Variants in ERC1 observed in about 807,000 individuals in gnomAD.
The protein encoded by ERC1 is RAB6 interacting protein 2.
A neutral mutation model predicts 132.0 loss-of-function variants in ERC1; 56 were observed. That is an observed-to-expected ratio of 0.42 (90% CI 0.34 to 0.53). The LOEUF (loss-of-function observed/expected upper bound fraction) is 0.53, where lower values mean the gene tolerates loss of function less well. Ranked by LOEUF, ERC1 falls within the 20% of genes least tolerant of loss-of-function variation. The pLI, the probability that ERC1 is intolerant of heterozygous loss-of-function variation, is 0.03. For missense variants in ERC1, 1,202 were observed against 1,349.9 expected (o/e 0.89, Z 1.72); for synonymous variants, 478 against 476.1 (o/e 1.00, Z -0.05).
intron 12 of ERC1, among the ~76,000 whole-genome samples, chr12:1,234,862 T>G (rs1322007351): frequency 6.6e-6 from 1 of 152,176 alleles, no homozygotes; most frequent in Non-Finnish European, 1.5e-5. Context: ...AAATGAAATA[T>G]TATTATGTTA....
chr12:1,233,207 A>G (rs921858397), intron 12 of ERC1, among the ~76,000 whole-genome samples: 4 of 152,174 alleles, frequency 2.6e-5, no homozygotes, highest in Non-Finnish European at 5.9e-5. Flanking sequence ...ACAGTGGCTC[A>G]TGCCTGTAAT....
intron 11 of ERC1, among the ~76,000 whole-genome samples, chr12:1,188,785 A>G (rs376671151): frequency 2.0e-5 from 3 of 152,110 alleles, no homozygotes; most frequent in African/African-American, 7.2e-5. Flanking sequence ...AAGAATATAT[A>G]TTTTCTCCTT....
chr12:1,212,670 CAG>C (rs1184918954), intron 12 of ERC1, among the ~76,000 whole-genome samples: 4 of 152,144 alleles, frequency 2.6e-5, no homozygotes, highest in African/African-American at 9.7e-5. Context: ...AAGGGGGAAA[CAG>C]GGCCTCTCTG....
At chr12:1,297,176 A>T (rs1289582257) in intron 15 of ERC1, among the ~76,000 whole-genome samples, 1 of 149,974 alleles carries the variant, frequency 6.7e-6, no homozygotes, top group East Asian at 1.9e-4. Flanking sequence ...ACCTGAAGAC[A>T]ATGGAACTTC....
intron 8 of ERC1, among the ~76,000 whole-genome samples, chr12:1,167,359 A>G (rs1177525896): frequency 6.6e-6 from 1 of 152,222 alleles, no homozygotes; most frequent in South Asian, 2.1e-4. Flanking sequence ...TTGCATTCTC[A>G]TCTGTGGGAA....
At chr12:1,460,958 C>CCT (rs1555111468) in intron 18 of ERC1, among the ~76,000 whole-genome samples, 1 of 64,914 alleles carries the variant, frequency 1.5e-5, no homozygotes, top group Non-Finnish European at 2.6e-5. Context: ...TGAGGAGGCC[C>CCT]TTTTTTTTTT....
intron 15 of ERC1, among the ~76,000 whole-genome samples, chr12:1,311,374 A>G (rs2081291628): frequency 6.6e-6 from 1 of 152,222 alleles, no homozygotes; most frequent in South Asian, 2.1e-4. Context: ...TGTTAGAGGT[A>G]TGAGATCAGC....
At chr12:1,179,417 T>G (rs1291208563) in intron 8 of ERC1, among the ~76,000 whole-genome samples, 1 of 152,056 alleles carries the variant, frequency 6.6e-6, no homozygotes, top group African/African-American at 2.4e-5. Context: ...GCACACAAAC[T>G]GTTTTATAGC....
chr12:1,081,446 A>T (rs138158714), intron 2 of ERC1, among the ~76,000 whole-genome samples: 1 of 152,202 alleles, frequency 6.6e-6, no homozygotes, highest in Non-Finnish European at 1.5e-5. Flanking sequence ...GATTTCTGCA[A>T]TCTGCTCTGT....
intron 12 of ERC1, among the ~76,000 whole-genome samples, chr12:1,226,485 A>G (rs1268658042): frequency 6.6e-6 from 1 of 152,144 alleles, no homozygotes; most frequent in Non-Finnish European, 1.5e-5. Flanking sequence ...CAGTATTATT[A>G]ATTATAGTCT....
At chr12:1,331,500 G>A (rs1432974372) in intron 15 of ERC1, among the ~76,000 whole-genome samples, 1 of 152,186 alleles carries the variant, frequency 6.6e-6, no homozygotes. Context: ...GTGAAGTAGT[G>A]GTTCTTGACC....
At chr12:1,279,146 C>T (rs1206843585) in intron 14 of ERC1, among the ~76,000 whole-genome samples, 1 of 152,016 alleles carries the variant, frequency 6.6e-6, no homozygotes, top group East Asian at 1.9e-4. Flanking sequence ...TTTCTTATTT[C>T]TCTTAAAATA....
chr12:1,355,952 T>C (rs7972977), intron 15 of ERC1, among the ~76,000 whole-genome samples: 20,233 of 152,086 alleles, frequency 0.13, 3,416 homozygotes, highest in African/African-American at 0.4. Context: ...ACACCTGTAG[T>C]CCTAGCACTT....
chr12:1,463,975 G>A (rs1470815851), intron 18 of ERC1, among the ~76,000 whole-genome samples: 1 of 152,154 alleles, frequency 6.6e-6, no homozygotes, highest in African/African-American at 2.4e-5. Flanking sequence ...AGGGTACTAA[G>A]TTGGACCTTA....
In ERC1 at chr12:1,272,774, C is replaced by G. The variant is rs548476388; in HGVS notation, c.2619+9609C>G. Reference sequence around the variant, plus strand: ...ACCAGCCTGGCCAAGATGGTGAAGCCCCATCTCTACTAAAAATACAAAAAT... The same window carrying G: ...ACCAGCCTGGCCAAGATGGTGAAGCGCCATCTCTACTAAAAATACAAAAAT... On this transcript the variant is annotated intron_variant, in intron 14 of 18. Transcript: ENST00000360905. 2.0e-5 allele frequency among the ~76,000 whole-genome samples: 3 copies of G among 151,790 alleles called. No individual in the cohort carries two copies. The South Asian group carries it at 6.3e-4, about 32-fold the overall frequency.
At chr12:1,423,774 A>C (rs921923982) in intron 17 of ERC1, among the ~76,000 whole-genome samples, 30 of 152,198 alleles carry the variant, frequency 2.0e-4, no homozygotes, top group African/African-American at 6.5e-4. Flanking sequence ...TTGCAGACTC[A>C]TTTATGATTG....
At chr12:1,254,836 A>G (rs930452482) in intron 13 of ERC1, among the ~76,000 whole-genome samples, 5 of 152,126 alleles carry the variant, frequency 3.3e-5, no homozygotes, top group African/African-American at 1.2e-4. Flanking sequence ...ATGTATGGTG[A>G]TGTTTGAATA....
At chr12:1,178,549 T>C (rs745920793) in intron 8 of ERC1, among the ~76,000 whole-genome samples, 2 of 152,140 alleles carry the variant, frequency 1.3e-5, no homozygotes, top group African/African-American at 4.8e-5. Context: ...TGGAGGAGTG[T>C]GTATTTATAC....
At chr12:1,347,294 G>A (rs1157730006) in intron 15 of ERC1, among the ~76,000 whole-genome samples, 1 of 152,156 alleles carries the variant, frequency 6.6e-6, no homozygotes, top group African/African-American at 2.4e-5. Flanking sequence ...CAACTGAAAA[G>A]GGAAGTAGAG....
Sources: gnomAD v4.1 joint callset for allele counts (sites outside exome capture counted in the v4.1 genomes callset) on GRCh38, gnomAD v4.1.1 for gene constraint, MANE v1.5 for transcripts, NCBI Gene and HGNC (gene_info 2026-07-23, HGNC 2026-07-21) for gene names.